Variants in EPPK1 observed in about 807,000 individuals in gnomAD.
EPPK1 encodes the protein epiplakin.
For missense variants in EPPK1, 3,823 were observed against 3,673.3 expected (o/e 1.04, Z -1.05); for synonymous variants, 1,862 against 1,721.2 (o/e 1.08, Z -2.03).
Position 143,859,411 on chromosome 8 carries a change from G to A in EPPK1, c.13843C>T (p.Leu4615=). The change falls in exon 2 of 2, where the codon CTG becomes TTG. Residue 4615 remains leucine (L), a synonymous_variant. Coordinates refer to ENST00000615648, the MANE Select transcript of EPPK1 (RefSeq NM_031308.4). The stretch of plus-strand genomic sequence containing the variant: ...GTGGCGCCCAGCTCCTCCACGGTCA[G>A]CGTGCCCGCCCGGTATCTGCTCAGC... ...DLLSRYRAGT[L]TVEELGATLT... 1 of 369,810 alleles carries A rather than the reference G, an allele frequency of 2.7e-6. No individual in the cohort carries two copies. The highest frequency in any genetic ancestry group is 3.6e-5 in the East Asian group (1 of 27,918). 22.9% of individuals were successfully genotyped at this position (369,810 alleles called of 1,614,324 possible).
intron 1 of EPPK1, among the ~76,000 whole-genome samples, chr8:143,877,939 G>A (rs1554662514): frequency 6.6e-6 from 1 of 151,990 alleles, no homozygotes; most frequent in Admixed American, 6.5e-5. Flanking sequence ...CCCTGGGACC[G>A]CTCACCCAAC....
At position 143,871,853 on chromosome 8, in the gene EPPK1, T is replaced by C; in HGVS notation, c.1401A>G (p.Pro467=). The C allele has an allele frequency of 1.9e-6, 3 of 1,611,556 alleles. No individual in the cohort carries two copies. Among genetic ancestry groups the C allele is most frequent in the Non-Finnish European group, 2.5e-6 (3 of 1,179,724 alleles). The change falls in exon 2 of 2, where the codon CCA becomes CCG. Residue 467 remains proline, a synonymous_variant. Transcript: ENST00000615648. ...CCCCTCCCCGGGGTCCCCCTGAGAGTGGCAGGAAGGCAAGCCCGGTCTCTG... is the reference window on the plus strand; with the variant it reads ...CCCCTCCCCGGGGTCCCCCTGAGAGCGGCAGGAAGGCAAGCCCGGTCTCTG... ...TDPETGLAFL[P]LSGGPRGGEP...
In EPPK1 at chr8:143,870,467, C is replaced by T; in HGVS notation, c.2787G>A (p.Leu929=). 3 of 1,603,224 alleles carry T rather than the reference C, an allele frequency of 1.9e-6. No individual in the cohort carries two copies. In the South Asian group the frequency reaches 3.3e-5, roughly 18 times the overall value. Reference sequence around the variant, plus strand: ...GCAGCCGCACACCGCCCACAGCTCCCAGGCCGCACAGGTACCTGCGGACGC... The same window carrying T: ...GCAGCCGCACACCGCCCACAGCTCCTAGGCCGCACAGGTACCTGCGGACGC... ...MDGVRRYLCG[L]GAVGGVRLLP... is the part of the protein sequence containing the mutation. The change falls in exon 2 of 2, where the codon CTG becomes CTA. Residue 929 remains leucine, a synonymous_variant. Coordinates refer to ENST00000615648, the MANE Select transcript of EPPK1 (RefSeq NM_031308.4). The surrounding 1 kb of genome is among the most constrained non-coding windows in gnomAD (Gnocchi z 5.2).
In EPPK1 at chr8:143,868,848, A is replaced by G. The variant is rs1340931359; in HGVS notation, c.4406T>C (p.Leu1469Pro). 4 of 1,608,332 alleles carry G rather than the reference A, an allele frequency of 2.5e-6. No homozygotes were observed. Among genetic ancestry groups the G allele is most frequent in the Non-Finnish European group, 3.4e-6 (4 of 1,179,726 alleles). Residue 1469 changes from leucine (L) to proline (P), a missense_variant, in exon 2 of 2, where the codon CTC (leucine) becomes CCC (proline). Transcript: ENST00000615648. ...TGRFKGCSVSLWDLLLSEYVG... is the reference protein window; with the variant it reads ...TGRFKGCSVSPWDLLLSEYVG... ...GTATTCGGAGAGCAGCAGGTCCCAG[A>G]GTGACACGCTACACCCCTTAAACCT...
At position 143,865,416 on chromosome 8, in the gene EPPK1, C is replaced by T. The variant is rs1272294296; in HGVS notation, c.7838G>A (p.Arg2613Gln). Reference sequence around the variant, plus strand: ...GGTCTCGCCCTCCCCCTGGCCCTCTCGCTGGGAGCGCCCCGAGTCGCCGTC... The same window carrying T: ...GGTCTCGCCCTCCCCCTGGCCCTCTTGCTGGGAGCGCCCCGAGTCGCCGTC... Reference protein sequence around the residue: ...RGDGDSGRSQREGQGEGETQE... With the variant: ...RGDGDSGRSQQEGQGEGETQE... Residue 2613 changes from arginine to glutamine, a missense_variant, in exon 2 of 2, where the codon CGA becomes CAA. Arg to Gln is a conservative substitution (Grantham distance 43). Transcript: ENST00000615648. The T allele has an allele frequency of 0.018, 4,826 of 274,924 alleles. 39 individuals carry two copies. The highest frequency in any genetic ancestry group is 0.04 in the Middle Eastern group (45 of 1,122). The allele number at this position is 274,924 out of a possible 1,614,324, so 17.0% of individuals were successfully genotyped here.
In EPPK1 at chr8:143,866,842, G is replaced by T. The variant is rs751723702; in HGVS notation, c.6412C>A (p.Gln2138Lys). ...TGTGTTCTATACATCCTCACCAGCT[G>T]GAGCTTCTTCTCCTCTGTCACGTAT... The part of the protein sequence containing the change: ...SEYVTEEKKL[Q>K]LVRMYRTHTR... Residue 2138 changes from glutamine (Q) to lysine (K), a missense_variant, in exon 2 of 2, where the codon CAG becomes AAG. Transcript: ENST00000615648. The T allele has an allele frequency of 8.7e-6, 14 of 1,613,284 alleles. No homozygotes were observed. The African/African-American group carries it at 1.6e-4, about 18-fold the overall frequency.
Position 143,870,115 on chromosome 8 carries a change from C to T in EPPK1, c.3139G>A (p.Gly1047Arg). 1 of 1,611,204 alleles carries T rather than the reference C, an allele frequency of 6.2e-7. No homozygotes were observed. The highest frequency in any genetic ancestry group is 8.5e-7 in the Non-Finnish European group (1 of 1,179,192). Residue 1047 changes from glycine to arginine, a missense_variant, in exon 2 of 2, where the codon GGA becomes AGA. Gly to Arg is a moderately radical substitution (Grantham distance 125). Coordinates refer to ENST00000615648, the MANE Select transcript of EPPK1 (RefSeq NM_031308.4). This position sits in a 1 kb window ranked among gnomAD's most constrained non-coding sequence, Gnocchi z 5.2. ...TGGCTGGTGGGGTCAATGATCCCTC[C>T]TGTGGCCACTTGAGCCTCCAGGAGG... is the stretch of plus-strand genomic sequence containing the variant. ...ARLLEAQVAT[G>R]GIIDPTSHHH...
Position 143,869,029 on chromosome 8 carries a change from G to C in EPPK1, c.4225C>G (p.Arg1409Gly). The C allele has an allele frequency of 6.2e-7, 1 of 1,609,988 alleles. No individual in the cohort carries two copies. The highest frequency in any genetic ancestry group is 2.2e-5 in the East Asian group (1 of 44,880). Residue 1409 changes from arginine (R) to glycine (G), a missense_variant, in exon 2 of 2, where the codon CGG becomes GGG. Coordinates refer to ENST00000615648, the MANE Select transcript of EPPK1 (RefSeq NM_031308.4). ...AGCTGCTGGTAGGTCACCTGGTCCC[G>C]CGCACTGGGGTCAAAGAAGAACTTG... ...DNKFFFDPSA[R>G]DQVTYQQLRE...
At position 143,873,145 on chromosome 8, in the gene EPPK1, T is replaced by TG. The variant is rs782106518; in HGVS notation, c.108dup (p.Arg37GlnfsTer80). ...CCAGCTATGCTCCTGGCCTGGGGCC[T>TG]GGGGGGCGTGCCGGCTCCCAGCGTG... is the stretch of plus-strand genomic sequence containing the variant. On this transcript the variant is annotated frameshift_variant, in exon 2 of 2. Transcript: ENST00000615648. LOFTEE classifies it low-confidence loss of function (END_TRUNC). The TG allele has an allele frequency of 3.6e-5, 57 of 1,587,392 alleles. No homozygotes were observed. The East Asian group carries it at 4.3e-4, about 12-fold the overall frequency.
rs1337163344 is a variant in EPPK1 at position 143,873,086 on chromosome 8, A to G, written c.168T>C (p.Ser56=). Residue 56 remains serine, a synonymous_variant, in exon 2 of 2, where the codon AGT becomes AGC. Coordinates refer to ENST00000615648, the MANE Select transcript of EPPK1 (RefSeq NM_031308.4). ...GGCCCTGCTCCATGGCGGCGTAGAC[A>G]CTCTGGGCCTGGCCCGAGGCCTCCA... is the stretch of plus-strand genomic sequence containing the variant. ...VYVEASGQAQ[S]VYAAMEQGLL... 3 of 1,550,114 alleles carry G rather than the reference A, an allele frequency of 1.9e-6. No homozygotes were observed. The highest frequency in any genetic ancestry group is 1.4e-5 in the African/African-American group (1 of 73,262).
upstream of EPPK1, among the ~76,000 whole-genome samples, chr8:143,878,649 C>T (rs1819540450): frequency 6.6e-6 from 1 of 151,882 alleles, no homozygotes; most frequent in Admixed American, 6.6e-5. Flanking sequence ...CCGGGACCCT[C>T]CCCTCGTCCC....
In EPPK1 at chr8:143,868,592, C is replaced by T. The variant is rs782404065; in HGVS notation, c.4662G>A (p.Val1554=). 3 of 1,604,174 alleles carry T rather than the reference C, an allele frequency of 1.9e-6. No individual in the cohort carries two copies. The highest frequency in any genetic ancestry group is 2.6e-6 in the Non-Finnish European group (3 of 1,176,054). The change falls in exon 2 of 2, where the codon GTG becomes GTA. Residue 1554 remains valine (V), a synonymous_variant. Coordinates refer to ENST00000615648, the MANE Select transcript of EPPK1 (RefSeq NM_031308.4). ...LDELSQGTTT[V]KEVAEMDSVK... is the part of the protein sequence containing the mutation. ...CGCTGTCCATCTCCGCCACCTCCTTCACAGTCGTTGTCCCCTGGCTCAGCT... is the reference window on the plus strand; with the variant it reads ...CGCTGTCCATCTCCGCCACCTCCTTTACAGTCGTTGTCCCCTGGCTCAGCT...
chr8:143,873,782 C>T (rs1032627806), intron 1 of EPPK1, among the ~76,000 whole-genome samples: 7 of 144,862 alleles, frequency 4.8e-5, no homozygotes, highest in Non-Finnish European at 9.3e-5. Flanking sequence ...CTGCCCCATG[C>T]CCTGCCCCAC....
rs1192569723 is a variant in EPPK1 at position 143,857,908 on chromosome 8, A to AC, written c.*78_*79insG. 6.4e-3 allele frequency: 5,022 copies of AC among 787,190 alleles called. 12 individuals are homozygous for AC. The highest frequency in any genetic ancestry group is 0.013 in the Admixed American group (342 of 27,052). The allele number at this position is 787,190 out of a possible 1,614,324, so 48.8% of individuals were successfully genotyped here. Reference sequence around the variant, plus strand: ...AATTAAAGAATGACAAAAAAAAAAAAAAAAAAAAAAACAACCCAGACACAC... The same window carrying AC: ...AATTAAAGAATGACAAAAAAAAAAAACAAAAAAAAAAACAACCCAGACACAC... On this transcript the variant is annotated 3_prime_UTR_variant, in exon 2 of 2. Transcript: ENST00000615648.
chr8:143,867,053 C>G lies in EPPK1; in HGVS notation c.6201G>C (p.Glu2067Asp), dbSNP rs782110508. ...PNTQEKVSYR[E>D]LQERCRPQED... Reference sequence around the variant, plus strand: ...CTTGTGGGCGGCACCTCTCCTGCAGCTCTCGGTACGAGACCTTCTCTTGCG... The same window carrying G: ...CTTGTGGGCGGCACCTCTCCTGCAGGTCTCGGTACGAGACCTTCTCTTGCG... The change falls in exon 2 of 2, where the codon GAG becomes GAC. Residue 2067 changes from glutamate to aspartate, a missense_variant. Glu to Asp is a conservative substitution (Grantham distance 45). Coordinates refer to ENST00000615648, the MANE Select transcript of EPPK1 (RefSeq NM_031308.4). The G allele has an allele frequency of 3.1e-6, 5 of 1,612,928 alleles. No individual in the cohort carries two copies. In the South Asian group the frequency reaches 5.5e-5, roughly 18 times the overall value.
Position 143,871,622 on chromosome 8 carries a change from C to G in EPPK1, c.1632G>C (p.Lys544Asn). The change falls in exon 2 of 2, where the codon AAG becomes AAC. Residue 544 changes from lysine to asparagine, a missense_variant. Physicochemically the swap from Lys to Asn is moderately conservative, Grantham distance 94. Transcript: ENST00000615648. ...GTLSVEKLAA[K>N]LSATLEQAAA... is the part of the protein sequence containing the mutation. ...CAGCCTGCTCGAGGGTGGCGCTCAG[C>G]TTAGCGGCCAGCTTCTCCACGGAGA... The G allele has an allele frequency of 1.2e-6, 2 of 1,606,814 alleles. No individual in the cohort carries two copies. Among genetic ancestry groups the G allele is most frequent in the East Asian group, 2.2e-5 (1 of 44,648 alleles).
Position 143,869,435 on chromosome 8 carries a change from T to A in EPPK1, c.3819A>T (p.Thr1273=), listed in dbSNP as rs1819258921. 6.3e-7 allele frequency: 1 copy of A among 1,588,740 alleles called. No individual in the cohort carries two copies. The highest frequency in any genetic ancestry group is 1.3e-5 in the African/African-American group (1 of 74,456). ...CTTCCAGCAGCCTCTGGCCCAGGCC[T>A]GTGGGCAGGAGGCCATCCCTCACGG... ...AQAVRDGLLP[T]GLGQRLLEAQ... is the part of the protein sequence containing the mutation. The change falls in exon 2 of 2, where the codon ACA becomes ACT. Residue 1273 remains threonine, a synonymous_variant. Coordinates refer to ENST00000615648, the MANE Select transcript of EPPK1 (RefSeq NM_031308.4).
rs1277205797 is a variant in EPPK1 at position 143,866,813 on chromosome 8, G to A, written c.6441C>T (p.Thr2147=). 14 of 1,613,340 alleles carry A rather than the reference G, an allele frequency of 8.7e-6. No homozygotes were observed. The African/African-American group carries it at 1.3e-4, about 15-fold the overall frequency. Residue 2147 remains threonine, a synonymous_variant, in exon 2 of 2, where the codon ACC becomes ACT. Transcript: ENST00000615648. ...LQLVRMYRTH[T]RRALQTVAQL... The stretch of plus-strand genomic sequence containing the variant: ...GCGCTACCGTCTGCAGTGCCCGTCT[G>A]GTGTGTGTTCTATACATCCTCACCA...
intron 1 of EPPK1, among the ~76,000 whole-genome samples, chr8:143,876,828 C>T (rs1819488381): frequency 6.6e-6 from 1 of 152,134 alleles, no homozygotes; most frequent in South Asian, 2.1e-4. Flanking sequence ...GAGAGGAGCA[C>T]CTGATTTCCC....
Sources: allele counts gnomAD v4.1 joint callset (sites outside exome capture counted in the v4.1 genomes callset), GRCh38; gene constraint gnomAD v4.1.1; non-coding constraint Gnocchi (gnomAD v3.1); transcripts MANE v1.5; gene names NCBI Gene and HGNC (gene_info 2026-07-23, HGNC 2026-07-21).